HHLA2: variants seen among roughly 807,000 people sequenced by gnomAD.
HHLA2 encodes the protein HHLA2 member of B7 family.
In HHLA2, 48 loss-of-function variants were observed where a neutral mutation model predicts 45.9. The observed-to-expected ratio is 1.05, with a 90% CI of 0.83 to 1.33. The LOEUF (loss-of-function observed/expected upper bound fraction) is 1.33. Ranked by LOEUF, HHLA2 falls within the 40% of genes most tolerant of loss-of-function variation. The pLI is 0.00. For missense variants in HHLA2, 462 were observed against 494.3 expected (o/e 0.93, Z 0.62); for synonymous variants, 161 against 173.9 (o/e 0.93, Z 0.59).
intron 3 of HHLA2, among the ~76,000 whole-genome samples, chr3:108,336,420 T>C (rs2081472576): frequency 6.6e-6 from 1 of 152,198 alleles, no homozygotes; most frequent in Admixed American, 6.5e-5. Context: ...CTAATTAACC[T>C]ATTCCCAAAA....
chr3:108,376,960 T>C, intron 10 of HHLA2: 1 of 380,864 alleles, frequency 2.6e-6, no homozygotes. Context: ...TTTTACTGCA[T>C]TCCTTTTAGT....
At chr3:108,356,312 G>A (rs748620662) in intron 6 of HHLA2, among the ~76,000 whole-genome samples, 3 of 152,194 alleles carry the variant, frequency 2.0e-5, no homozygotes, top group Non-Finnish European at 2.9e-5. Context: ...TTACAGGCGT[G>A]AGCCACCGTG....
chr3:108,301,058 A>T (rs2080840431), intron 1 of HHLA2, among the ~76,000 whole-genome samples: 2 of 152,200 alleles, frequency 1.3e-5, no homozygotes, highest in Non-Finnish European at 2.9e-5. Flanking sequence ...TTATACATGC[A>T]CAATATCTCT....
At chr3:108,302,162 T>C (rs753975526) in intron 1 of HHLA2, among the ~76,000 whole-genome samples, 1 of 152,164 alleles carries the variant, frequency 6.6e-6, no homozygotes, top group Non-Finnish European at 1.5e-5. Context: ...AACATGAAGA[T>C]TAAACAGTCT....
intron 2 of HHLA2, among the ~76,000 whole-genome samples, chr3:108,321,080 C>G (rs1403110394): frequency 1.1e-5 from 1 of 88,862 alleles, no homozygotes; most frequent in Non-Finnish European, 2.4e-5. Context: ...CAGAACATTT[C>G]TCCAGGTGTT....
At chr3:108,317,626 G>T (rs2081123888) in intron 2 of HHLA2, among the ~76,000 whole-genome samples, 2 of 150,342 alleles carry the variant, frequency 1.3e-5, no homozygotes, top group Non-Finnish European at 3.0e-5. Flanking sequence ...CCAGGCTGGA[G>T]TGCAGTGGCA....
chr3:108,355,090 A>T, intron 5 of HHLA2, 25 bp from the exon 5 acceptor site: 2 of 1,591,578 alleles, frequency 1.3e-6, no homozygotes, highest in South Asian at 2.3e-5. Context: ...GCAGTTTTTC[A>T]TGCGCCCTTC....
intron 3 of HHLA2, among the ~76,000 whole-genome samples, chr3:108,336,503 T>C (rs1260310114): frequency 6.6e-6 from 1 of 152,178 alleles, no homozygotes; most frequent in African/African-American, 2.4e-5. Flanking sequence ...TCATGTAATA[T>C]ATACTGTGAT....
At chr3:108,307,500 G>A (rs909269415) in intron 1 of HHLA2, among the ~76,000 whole-genome samples, 8 of 152,028 alleles carry the variant, frequency 5.3e-5, no homozygotes, top group Non-Finnish European at 1.0e-4. Context: ...CAGGCCTGGT[G>A]GCAGGTGCCT....
chr3:108,305,834 ATCT>A (rs1325402409), intron 1 of HHLA2, among the ~76,000 whole-genome samples: 3 of 152,252 alleles, frequency 2.0e-5, no homozygotes, highest in East Asian at 1.9e-4. Flanking sequence ...CTAATGGTAA[ATCT>A]TCTTTGGATT....
intron 8 of HHLA2, among the ~76,000 whole-genome samples, chr3:108,368,389 C>A (rs1036113718): frequency 6.6e-6 from 1 of 151,468 alleles, no homozygotes; most frequent in African/African-American, 2.4e-5. Context: ...GGACTAAATG[C>A]CCCAGTTAAA....
At chr3:108,313,250 A>G (rs1365312884) in intron 2 of HHLA2, among the ~76,000 whole-genome samples, 4 of 152,180 alleles carry the variant, frequency 2.6e-5, no homozygotes, top group Non-Finnish European at 5.9e-5. Flanking sequence ...TATTTTGGAA[A>G]AAGGCTGGTG....
intron 3 of HHLA2, among the ~76,000 whole-genome samples, chr3:108,332,021 C>T (rs747720416): frequency 2.0e-5 from 3 of 152,088 alleles, no homozygotes; most frequent in Non-Finnish European, 2.9e-5. Flanking sequence ...TCATGAAAGA[C>T]GTGGCATTTC....
chr3:108,351,300 T>A (rs13100164), intron 3 of HHLA2, among the ~76,000 whole-genome samples: 102,901 of 152,142 alleles, frequency 0.68, 35,693 homozygotes, highest in African/African-American at 0.77. Context: ...CATCATAGTT[T>A]ACACCACTGG....
intron 2 of HHLA2, among the ~76,000 whole-genome samples, chr3:108,313,174 A>G (rs539559269): frequency 6.6e-6 from 1 of 152,318 alleles, no homozygotes; most frequent in East Asian, 1.9e-4. Flanking sequence ...AAGACTAGAA[A>G]TATATATTCT....
intron 7 of HHLA2, among the ~76,000 whole-genome samples, chr3:108,360,330 C>T (rs1274303316): frequency 2.0e-5 from 3 of 152,176 alleles, no homozygotes; most frequent in Admixed American, 2.0e-4. Context: ...AAAACTAACA[C>T]AAATTTTCTT....
At chr3:108,353,826 C>G in intron 5 of HHLA2, 46 bp downstream of exon 4, 2 of 1,398,888 alleles carry the variant, frequency 1.4e-6, no homozygotes, top group Non-Finnish European at 2.0e-6. Context: ...GACATCATTC[C>G]ATGTTATTAG....
At chr3:108,341,875 C>A (rs1447074478) in intron 3 of HHLA2, among the ~76,000 whole-genome samples, 1 of 152,176 alleles carries the variant, frequency 6.6e-6, no homozygotes, top group Non-Finnish European at 1.5e-5. Flanking sequence ...ACTTCTTAAT[C>A]CCCCTACTTG....
chr3:108,354,027 A>T (rs2107460401), intron 5 of HHLA2, among the ~76,000 whole-genome samples: 1 of 152,280 alleles, frequency 6.6e-6, no homozygotes. Context: ...TTATAATTGT[A>T]CTTAATACTG....
Sources: allele counts gnomAD v4.1 joint callset (sites outside exome capture counted in the v4.1 genomes callset), GRCh38; gene constraint gnomAD v4.1.1; transcripts MANE v1.5; gene names NCBI Gene and HGNC (gene_info 2026-07-23, HGNC 2026-07-21).